KLB: variants seen among roughly 807,000 people sequenced by gnomAD.
KLB encodes beta-klotho.
KLB carries 44 observed loss-of-function variants against 88.4 expected under a neutral mutation model. The observed-to-expected ratio is 0.50, with a 90% CI of 0.39 to 0.64. The LOEUF (loss-of-function observed/expected upper bound fraction) is 0.64, where lower values mean the gene tolerates loss of function less well. KLB is among the 30% of genes least tolerant of loss of function. The pLI is 0.00. For synonymous variants in KLB, 548 were observed against 513.4 expected, an observed-to-expected ratio of 1.07 and a Z score of -0.91; for missense variants, 1,137 against 1,304.8, an observed-to-expected ratio of 0.87 and a Z score of 1.98.
chr4:39,447,900 T>G (rs187068310), intron 4 of KLB, among the ~76,000 whole-genome samples: 42 of 149,318 alleles, frequency 2.8e-4, no homozygotes, highest in African/African-American at 9.3e-4. Context: ...CGAGCGACAG[T>G]GAGTGAGTGG....
chr4:39,428,426 C>T (rs958367376), intron 1 of KLB, among the ~76,000 whole-genome samples: 1 of 79,184 alleles, frequency 1.3e-5, no homozygotes, highest in African/African-American at 3.4e-5. Flanking sequence ...GAAACTACGT[C>T]TCAAAAAAAA....
intron 1 of KLB, among the ~76,000 whole-genome samples, chr4:39,413,365 G>C (rs1337619179): frequency 6.6e-6 from 1 of 152,152 alleles, no homozygotes; most frequent in East Asian, 1.9e-4. Flanking sequence ...AGAGGTTTGG[G>C]AAGGTGAATT....
intron 1 of KLB, among the ~76,000 whole-genome samples, chr4:39,423,881 A>G (rs564007069): frequency 4.0e-5 from 6 of 151,586 alleles, no homozygotes. Context: ...GGGAGACAAA[A>G]ATCAGTACAA....
At chr4:39,437,091 T>A (rs868244225) in intron 2 of KLB, among the ~76,000 whole-genome samples, 1 of 152,148 alleles carries the variant, frequency 6.6e-6, no homozygotes, top group African/African-American at 2.4e-5. Context: ...TCCTTAGAGA[T>A]CCTATTTTCC....
In KLB at chr4:39,407,441, A is replaced by T. The variant is rs370149386; in HGVS notation, c.492A>T (p.Val164=). The change falls in exon 1 of 5, where the codon GTA becomes GTT. Residue 164 remains valine (V), a synonymous_variant. Coordinates refer to ENST00000257408, the MANE Select transcript of KLB (RefSeq NM_175737.4). ...SWPRLFPDGI[V]TVANAKGLQY... ...CAAGGCTTTTCCCCGATGGAATAGT[A>T]ACAGTTGCCAACGCAAAAGGTCTGC... The T allele has an allele frequency of 3.1e-6, 5 of 1,614,168 alleles. No homozygotes were observed. Among genetic ancestry groups the T allele is most frequent in the African/African-American group, 2.7e-5 (2 of 75,052 alleles).
At chr4:39,420,909 C>T (rs913900029) in intron 1 of KLB, among the ~76,000 whole-genome samples, 3 of 152,158 alleles carry the variant, frequency 2.0e-5, no homozygotes, top group Admixed American at 1.3e-4. Context: ...TCTCTTCTTT[C>T]CTTACTCCCT....
At chr4:39,443,986 G>A (rs548062767) in intron 3 of KLB, among the ~76,000 whole-genome samples, 10 of 151,604 alleles carry the variant, frequency 6.6e-5, no homozygotes, top group South Asian at 2.1e-4. Flanking sequence ...GTGAAGCCCC[G>A]TCTCTAATAA....
At chr4:39,410,720 G>A (rs567504979) in intron 1 of KLB, among the ~76,000 whole-genome samples, 1 of 152,234 alleles carries the variant, frequency 6.6e-6, no homozygotes, top group East Asian at 1.9e-4. Flanking sequence ...TTTTTAGACC[G>A]AAAACATTTA....
At chr4:39,411,689 C>T (rs1321125363) in intron 1 of KLB, among the ~76,000 whole-genome samples, 3 of 151,658 alleles carry the variant, frequency 2.0e-5, no homozygotes, top group African/African-American at 7.3e-5. Context: ...CTGGCCCTGG[C>T]TTGGCCATTT....
chr4:39,409,152 T>C (rs1357228030), intron 1 of KLB, among the ~76,000 whole-genome samples: 1 of 152,038 alleles, frequency 6.6e-6, no homozygotes, highest in Non-Finnish European at 1.5e-5. Context: ...GAGTTGTATA[T>C]AGAACATATT....
At chr4:39,420,834 A>G (rs1261292384) in intron 1 of KLB, among the ~76,000 whole-genome samples, 1 of 152,212 alleles carries the variant, frequency 6.6e-6, no homozygotes, top group Admixed American at 6.5e-5. Flanking sequence ...TTAAACTACA[A>G]AAATAATGCA....
intron 3 of KLB, among the ~76,000 whole-genome samples, chr4:39,442,969 T>C (rs1039173147): frequency 4.6e-5 from 7 of 152,090 alleles, no homozygotes; most frequent in African/African-American, 1.7e-4. Flanking sequence ...AGATCAAACG[T>C]TGGTTGTCAT....
rs778661403 is a variant in KLB at position 39,446,814 on chromosome 4, G to A, written c.2088G>A (p.Arg696=). Residue 696 remains arginine, a synonymous_variant, in exon 4 of 5, where the codon CGG becomes CGA. Coordinates refer to ENST00000257408, the MANE Select transcript of KLB (RefSeq NM_175737.4). The surrounding 1 kb of genome is among the most constrained non-coding windows in gnomAD (Gnocchi z 6.4). The part of the protein sequence containing the change: ...KLWITINEPN[R]LSDIYNRSGN... ...GGATCACCATCAACGAGCCTAACCGGCTAAGTGACATCTACAACCGCTCTG... is the reference window on the plus strand; with the variant it reads ...GGATCACCATCAACGAGCCTAACCGACTAAGTGACATCTACAACCGCTCTG... 2 of 1,613,006 alleles carry A rather than the reference G, an allele frequency of 1.2e-6. No homozygotes were observed. The highest frequency in any genetic ancestry group is 1.1e-5 in the South Asian group (1 of 91,006).
In KLB at chr4:39,446,195, T is replaced by C; in HGVS notation, c.1606-137T>C. The C allele has an allele frequency of 2.7e-6, 2 of 732,958 alleles. No homozygotes were observed. The highest frequency in any genetic ancestry group is 1.8e-5 in the African/African-American group (1 of 56,456). 45.4% of individuals were successfully genotyped at this position (732,958 alleles called of 1,614,324 possible). A position where few individuals can be genotyped will look rare whatever the true frequency, so the allele number is the denominator to read the frequency against. ...GCTCCTTCTCTGTTTTCTGGTCTCCTTGGGAGATTTCAAGGGCTGGAATAG... is the reference window on the plus strand; with the variant it reads ...GCTCCTTCTCTGTTTTCTGGTCTCCCTGGGAGATTTCAAGGGCTGGAATAG... On this transcript the variant is annotated intron_variant, in intron 3 of 4. Coordinates refer to ENST00000257408, the MANE Select transcript of KLB (RefSeq NM_175737.4). The surrounding 1 kb of genome is among the most constrained non-coding windows in gnomAD (Gnocchi z 6.4).
At position 39,407,070 on chromosome 4, in the gene KLB, C is replaced by T; in HGVS notation, c.121C>T (p.Leu41=). 1 of 1,613,944 alleles carries T rather than the reference C, an allele frequency of 6.2e-7. No individual in the cohort carries two copies. Among genetic ancestry groups the T allele is most frequent in the African/African-American group, 1.3e-5 (1 of 75,020 alleles). The change falls in exon 1 of 5, where the codon CTG becomes TTG. Residue 41 remains leucine, a synonymous_variant. Coordinates refer to ENST00000257408, the MANE Select transcript of KLB (RefSeq NM_175737.4). ...SNGGLQRSVI[L]SALILLRAVT... is the part of the protein sequence containing the mutation. ...CGGGGGATTGCAAAGATCTGTCATC[C>T]TGTCAGCACTTATTCTGCTACGAGC...
At chr4:39,447,583 C>A in intron 4 of KLB, 108 bp downstream of exon 4, 1 of 893,218 alleles carries the variant, frequency 1.1e-6, no homozygotes, top group Non-Finnish European at 1.6e-6. Flanking sequence ...CAATTTGTGG[C>A]ACCCAAGTCC....
rs1251739070 is a variant in KLB at position 39,434,294 on chromosome 4, T to C, written c.910T>C (p.Trp304Arg). The change falls in exon 2 of 5, where the codon TGG (tryptophan) becomes CGG (arginine). Residue 304 changes from tryptophan (W) to arginine (R), a missense_variant. Physicochemically the swap from Trp to Arg is moderately radical, Grantham distance 101. This residue lies in a region of KLB where 597 missense variants were observed against 765.2 expected (regional missense o/e 0.78). Transcript: ENST00000257408. ...GTTATCGATCACGTTGGGATCTCATTGGATCGAGCCAAACCGGTCGGAAAA... is the reference window on the plus strand; with the variant it reads ...GTTATCGATCACGTTGGGATCTCATCGGATCGAGCCAAACCGGTCGGAAAA... ...GWLSITLGSH[W>R]IEPNRSENTM... 1.9e-6 allele frequency: 3 copies of C among 1,614,204 alleles called. No homozygotes were observed. The highest frequency in any genetic ancestry group is 2.5e-6 in the Non-Finnish European group (3 of 1,180,030).
At chr4:39,427,064 T>A (rs1743233643) in intron 1 of KLB, among the ~76,000 whole-genome samples, 1 of 152,120 alleles carries the variant, frequency 6.6e-6, no homozygotes, top group South Asian at 2.1e-4. Flanking sequence ...GTAATTAACA[T>A]AAAAGTTGAT....
At chr4:39,414,876 A>G (rs1043008051) in intron 1 of KLB, among the ~76,000 whole-genome samples, 61 of 151,564 alleles carry the variant, frequency 4.0e-4, no homozygotes, top group Non-Finnish European at 6.2e-4. Flanking sequence ...CTCAGGAAAA[A>G]AAAAAAAAAA....
Sources: gnomAD v4.1 joint callset for allele counts (sites outside exome capture counted in the v4.1 genomes callset) on GRCh38, gnomAD v4.1.1 for gene constraint, gnomAD v4.1.1 regional missense constraint, Gnocchi (gnomAD v3.1) non-coding constraint, MANE v1.5 for transcripts, NCBI Gene and HGNC (gene_info 2026-07-23, HGNC 2026-07-21) for gene names.